The following TBC1D10A variants were observed in gnomAD, a reference collection of about 807,000 sequenced individuals.
The protein encoded by TBC1D10A is TBC1 domain family member 10A, also known as EBP50-PDX interactor of 64 kDa.
A neutral mutation model predicts 52.9 loss-of-function variants in TBC1D10A; 24 were observed. The observed-to-expected ratio is 0.45, with a 90% CI of 0.33 to 0.64. TBC1D10A has a LOEUF of 0.64. Among genes scored for constraint, TBC1D10A ranks in the 30% least tolerant of loss-of-function variants. The pLI is 0.02. For synonymous variants in TBC1D10A, 278 were observed against 282.9 expected, an observed-to-expected ratio of 0.98 and a Z score of 0.17; for missense variants, 602 against 687.9, an observed-to-expected ratio of 0.88 and a Z score of 1.40.
chr22:30,326,921 A>T lies in TBC1D10A; in HGVS notation c.-40T>A. Reference sequence around the variant, plus strand: ...CCGCCTGAGCTCCAGCGGCCACCTCAGCCGCCCTGCTGCCGCCGACGCCCC... The same window carrying T: ...CCGCCTGAGCTCCAGCGGCCACCTCTGCCGCCCTGCTGCCGCCGACGCCCC... On this transcript the variant is annotated 5_prime_UTR_variant, in exon 1 of 9. Coordinates refer to ENST00000215790, the MANE Select transcript of TBC1D10A (RefSeq NM_031937.3). 1 of 1,405,186 alleles carries T rather than the reference A, an allele frequency of 7.1e-7. No homozygotes were observed. Among genetic ancestry groups the T allele is most frequent in the Non-Finnish European group, 9.2e-7 (1 of 1,082,762 alleles). 87.0% of individuals were successfully genotyped at this position (1,405,186 alleles called of 1,614,324 possible).
At chr22:30,325,617 C>T (rs1346022343) in intron 1 of TBC1D10A, among the ~76,000 whole-genome samples, 2 of 152,176 alleles carry the variant, frequency 1.3e-5, no homozygotes, top group East Asian at 3.9e-4. Context: ...GGACCGCCAG[C>T]CTGTACACAT....
chr22:30,323,115 G>A (rs1930692612), intron 1 of TBC1D10A, among the ~76,000 whole-genome samples: 1 of 151,744 alleles, frequency 6.6e-6, no homozygotes, highest in African/African-American at 2.4e-5. Flanking sequence ...ATGTTGCCCA[G>A]GCTGGTCTCG....
intron 1 of TBC1D10A, among the ~76,000 whole-genome samples, chr22:30,311,002 G>C (rs1930414247): frequency 6.6e-6 from 1 of 152,142 alleles, no homozygotes; most frequent in African/African-American, 2.4e-5. Context: ...TGGAAAATTG[G>C]GAAGTGGATG....
At chr22:30,320,543 T>C (rs912037580) in intron 1 of TBC1D10A, among the ~76,000 whole-genome samples, 3 of 152,132 alleles carry the variant, frequency 2.0e-5, no homozygotes, top group African/African-American at 7.2e-5. Flanking sequence ...CTGGCAAACC[T>C]TGGGCACTTT....
At chr22:30,308,290 G>GCATA (rs1930352508) in intron 1 of TBC1D10A, among the ~76,000 whole-genome samples, 2 of 145,942 alleles carry the variant, frequency 1.4e-5, no homozygotes, top group East Asian at 4.1e-4. Flanking sequence ...CTGCATGCCT[G>GCATA]CATGCCTGCA....
chr22:30,295,559 C>A lies in TBC1D10A; in HGVS notation c.524+178G>T, dbSNP rs552859968. ...TCTGGAGTCAATGAGGAAAGCCCCCCCAGAGGTAAGAGGAGATGCTGAGAA... is the reference window on the plus strand; with the variant it reads ...TCTGGAGTCAATGAGGAAAGCCCCCACAGAGGTAAGAGGAGATGCTGAGAA... On this transcript the variant is annotated intron_variant, in intron 4 of 8. Coordinates refer to ENST00000215790, the MANE Select transcript of TBC1D10A (RefSeq NM_031937.3). 5.3e-5 allele frequency among the ~76,000 whole-genome samples: 8 copies of A among 152,300 alleles called. No individual in the cohort carries two copies. The East Asian group carries it at 9.6e-4, about 18-fold the overall frequency.
intron 3 of TBC1D10A, 104 bp from the exon 4 acceptor site, chr22:30,295,947 C>T: frequency 1.0e-6 from 1 of 980,294 alleles, no homozygotes; most frequent in South Asian, 1.6e-5. Flanking sequence ...CCACCAGGGG[C>T]AGTGCCCACC....
chr22:30,295,738 C>T lies in TBC1D10A; in HGVS notation c.523G>A (p.Gly175Ser). ...CCTCATGAGGCCCAGCCTGCTCACC[C>T]GTGGCCCCCCCGGGACACAAACATC... ...HEMFVSRGGH[G>S]QQDLFRVLKA... The change falls in exon 4 of 9, where the codon GGC becomes AGC. Residue 175 changes from glycine (G) to serine (S), a missense_variant and splice_region_variant. This residue lies in a region of TBC1D10A where 136 missense variants were observed against 208.4 expected (regional missense o/e 0.65). Transcript: ENST00000215790. The T allele has an allele frequency of 1.9e-6, 3 of 1,613,942 alleles. No homozygotes were observed. Among genetic ancestry groups the T allele is most frequent in the South Asian group, 2.2e-5 (2 of 91,088 alleles).
chr22:30,293,898 T>G, intron 7 of TBC1D10A, 23 bp downstream of exon 7: 2 of 1,605,548 alleles, frequency 1.2e-6, no homozygotes, highest in East Asian at 4.5e-5. Context: ...ACAGGGGTGC[T>G]CCCCCCAAGC....
At chr22:30,299,628 G>C (rs1486929128) in intron 2 of TBC1D10A, 77 bp from the exon 3 acceptor site, 14 of 1,360,754 alleles carry the variant, frequency 1.0e-5, no homozygotes, top group Non-Finnish European at 1.3e-5. Flanking sequence ...GCCAATGCGT[G>C]GTGGGCCCTC....
At chr22:30,322,663 C>T (rs971176633) in intron 1 of TBC1D10A, among the ~76,000 whole-genome samples, 14 of 120,242 alleles carry the variant, frequency 1.2e-4, no homozygotes, top group South Asian at 2.9e-4. Context: ...GGCGTGATTT[C>T]AGCTCACGGT....
chr22:30,306,755 A>C (rs973512833), intron 1 of TBC1D10A, among the ~76,000 whole-genome samples: 3 of 152,220 alleles, frequency 2.0e-5, no homozygotes, highest in African/African-American at 7.2e-5. Flanking sequence ...AGAGGAGTTT[A>C]ATCTACCTGG....
At chr22:30,305,393 C>T (rs1930290781) in intron 1 of TBC1D10A, among the ~76,000 whole-genome samples, 1 of 152,208 alleles carries the variant, frequency 6.6e-6, no homozygotes, top group African/African-American at 2.4e-5. Flanking sequence ...CACCTCAGCA[C>T]CAAGGTGCTT....
intron 1 of TBC1D10A, among the ~76,000 whole-genome samples, chr22:30,308,416 T>C (rs1210317741): frequency 6.7e-6 from 1 of 149,054 alleles, no homozygotes; most frequent in Admixed American, 6.7e-5. Flanking sequence ...CCATGTCTCA[T>C]GCTTTTTAAA....
At chr22:30,319,660 C>T (rs980634534) in intron 1 of TBC1D10A, among the ~76,000 whole-genome samples, 3 of 152,118 alleles carry the variant, frequency 2.0e-5, no homozygotes, top group African/African-American at 7.2e-5. Context: ...GGCAGCTGCC[C>T]TGAAATCCTA....
intron 3 of TBC1D10A, chr22:30,298,280 G>A (rs1339023062): frequency 6.6e-6 from 1 of 152,250 alleles, no homozygotes; most frequent in Non-Finnish European, 1.5e-5. Context: ...TGGAAGAGAT[G>A]TAGCCACTAG....
In TBC1D10A at chr22:30,319,336, G is replaced by A. The variant is rs1930604184; in HGVS notation, c.209+7337C>T. 2.6e-5 allele frequency among the ~76,000 whole-genome samples: 4 copies of A among 152,356 alleles called. No individual in the cohort carries two copies. The South Asian group carries it at 8.3e-4, about 32-fold the overall frequency. ...TCTATTTTTCAGCAAGTCTGTGAGT[G>A]CCTTGAGGGCAATAAAACACAGACA... On this transcript the variant is annotated intron_variant, in intron 1 of 8. Transcript: ENST00000215790.
intron 1 of TBC1D10A, among the ~76,000 whole-genome samples, chr22:30,309,625 T>C (rs1273382547): frequency 2.6e-5 from 4 of 152,202 alleles, no homozygotes. Context: ...GCTCCTGGAC[T>C]GGAACAGGCT....
Position 30,326,860 on chromosome 22 carries a change from T to A in TBC1D10A, c.22A>T (p.Asn8Tyr). Residue 8 changes from asparagine to tyrosine, a missense_variant, in exon 1 of 9, where the codon AAT becomes TAT. Around this residue, in one of 3 missense-constraint regions of TBC1D10A, gnomAD observed 201 missense variants for 204.4 expected, o/e 0.98. Transcript: ENST00000215790. Reference protein sequence around the residue: MAKSNGENGPRAPAAGES... With the variant: MAKSNGEYGPRAPAAGES... ...CCGGCCGCGGGCGCGCGCGGCCCAT[T>A]CTCTCCGTTGCTCTTCGCCATCCCA... The A allele has an allele frequency of 6.6e-7, 1 of 1,507,006 alleles. No individual in the cohort carries two copies. Among genetic ancestry groups the A allele is most frequent in the Non-Finnish European group, 8.8e-7 (1 of 1,136,258 alleles). The allele number at this position is 1,507,006 out of a possible 1,614,324, so 93.4% of individuals were successfully genotyped here.
Sources: gnomAD v4.1 joint callset for allele counts (sites outside exome capture counted in the v4.1 genomes callset) on GRCh38, gnomAD v4.1.1 for gene constraint, gnomAD v4.1.1 regional missense constraint, MANE v1.5 for transcripts, NCBI Gene and HGNC (gene_info 2026-07-23, HGNC 2026-07-21) for gene names.